MTHFD1: variants seen among roughly 807,000 people sequenced by gnomAD.
MTHFD1 encodes methylenetetrahydrofolate dehydrogenase, cyclohydrolase and formyltetrahydrofolate synthetase 1.
MTHFD1 carries 44 observed loss-of-function variants against 110.3 expected under a neutral mutation model. That is an observed-to-expected ratio of 0.40 (90% CI 0.31 to 0.51). MTHFD1 has a LOEUF of 0.51. MTHFD1 is among the 20% of genes least tolerant of loss of function. The pLI is 0.60. For synonymous variants in MTHFD1, 402 were observed against 428.8 expected, an observed-to-expected ratio of 0.94 and a Z score of 0.77; for missense variants, 909 against 1,173.1, an observed-to-expected ratio of 0.77 and a Z score of 3.29.
At chr14:64,410,469 T>C (rs2077974932) in intron 2 of MTHFD1, among the ~76,000 whole-genome samples, 1 of 151,886 alleles carries the variant, frequency 6.6e-6, no homozygotes, top group African/African-American at 2.4e-5. Context: ...CAAACGATCC[T>C]CCTCCCTTGG....
intron 22 of MTHFD1, among the ~76,000 whole-genome samples, chr14:64,447,070 C>T (rs2078295208): frequency 6.6e-6 from 1 of 151,776 alleles, no homozygotes; most frequent in Non-Finnish European, 1.5e-5. Context: ...TGTCGAACTC[C>T]TAGGTGCAAG....
At chr14:64,409,860 A>AT (rs2140951999) in intron 2 of MTHFD1, among the ~76,000 whole-genome samples, 1 of 152,272 alleles carries the variant, frequency 6.6e-6, no homozygotes, top group South Asian at 2.1e-4. Context: ...TAGCACCAAT[A>AT]TGACAAGCTC....
intron 1 of MTHFD1, among the ~76,000 whole-genome samples, chr14:64,397,174 TATATATATATATATATAAAA>T (rs1430421590): frequency 2.9e-4 from 6 of 20,792 alleles, no homozygotes; most frequent in African/African-American, 1.1e-3. Flanking sequence ...TATATATATA[TATATATATATATATATAAAA>T]AACAGTAATC....
At chr14:64,418,199 C>T (rs554724938) in intron 7 of MTHFD1, among the ~76,000 whole-genome samples, 175 bp downstream of exon 7, 1 of 152,206 alleles carries the variant, frequency 6.6e-6, no homozygotes, top group African/African-American at 2.4e-5. Flanking sequence ...GTAGTCCCAA[C>T]ACTTTGGGAG....
At chr14:64,446,750 G>A (rs927249301) in intron 22 of MTHFD1, among the ~76,000 whole-genome samples, 1 of 152,126 alleles carries the variant, frequency 6.6e-6, no homozygotes, top group African/African-American at 2.4e-5. Flanking sequence ...CACCGTGTTA[G>A]CCAGGATGGT....
intron 2 of MTHFD1, among the ~76,000 whole-genome samples, chr14:64,403,108 G>C (rs991499653): frequency 6.6e-6 from 1 of 151,582 alleles, no homozygotes; most frequent in African/African-American, 2.4e-5. Context: ...ACAGGCATGC[G>C]CCACCATGCC....
At chr14:64,435,252 C>T (rs1442905850) in intron 15 of MTHFD1, among the ~76,000 whole-genome samples, 2 of 152,032 alleles carry the variant, frequency 1.3e-5, no homozygotes, top group African/African-American at 2.4e-5. Flanking sequence ...CTGAGCTTCA[C>T]GCCTAGCTGA....
chr14:64,453,765 G>T lies in MTHFD1; in HGVS notation c.2469G>T (p.Glu823Asp). ...QLLYDLKLPVEDKIRIIAQKI... is the reference protein window; with the variant it reads ...QLLYDLKLPVDDKIRIIAQKI... Reference sequence around the variant, plus strand: ...TTCTTGTGCATTAGCTCCCAGTTGAGGATAAAATCAGGATCATTGCACAGA... The same window carrying T: ...TTCTTGTGCATTAGCTCCCAGTTGATGATAAAATCAGGATCATTGCACAGA... The change falls in exon 25 of 28, where the codon GAG (glutamate) becomes GAT (aspartate). Residue 823 changes from glutamate to aspartate, a missense_variant. By Grantham distance (45) the Glu-to-Asp change is conservative. This residue lies in a region of MTHFD1 where 482 missense variants were observed against 646.0 expected (regional missense o/e 0.75). Coordinates refer to ENST00000652337, the MANE Select transcript of MTHFD1 (RefSeq NM_005956.4). The T allele has an allele frequency of 6.2e-7, 1 of 1,605,588 alleles. No individual in the cohort carries two copies. The highest frequency in any genetic ancestry group is 8.5e-7 in the Non-Finnish European group (1 of 1,172,530).
At chr14:64,410,276 G>A (rs1336366311) in intron 2 of MTHFD1, among the ~76,000 whole-genome samples, 1 of 151,682 alleles carries the variant, frequency 6.6e-6, no homozygotes, top group Non-Finnish European at 1.5e-5. Context: ...CCCAGGCATA[G>A]TACCATGACT....
Position 64,449,398 on chromosome 14 carries a change from C to T in MTHFD1, c.2280-47C>T. ...AATGGCAAAAAGAAGACAATTCTGT[C>T]TCTCCAGCCATTTTCCATGCTTTGA... On this transcript the variant is annotated intron_variant, in intron 23 of 27. Transcript: ENST00000652337. The T allele has an allele frequency of 1.9e-6, 3 of 1,594,088 alleles. No individual in the cohort carries two copies. In the South Asian group the frequency reaches 3.3e-5, roughly 18 times the overall value.
chr14:64,432,472 T>C (rs1252511682), intron 15 of MTHFD1, among the ~76,000 whole-genome samples: 1 of 152,240 alleles, frequency 6.6e-6, no homozygotes, highest in Non-Finnish European at 1.5e-5. Context: ...TGGGAACTAA[T>C]CTAAATGTCT....
At position 64,459,924 on chromosome 14, in the gene MTHFD1, CATCATGTATAAATTAACATAAATCAT is replaced by C. The variant is rs2078534966; in HGVS notation, c.*171_*196del. ...AGAAGTCATTTTCAGCCTTAATTCT[CATCATGTATAAATTAACATAAATCAT>C]GCATGTCTGTTTACTTTAGTGACGT... On this transcript the variant is annotated 3_prime_UTR_variant, in exon 28 of 28. Transcript: ENST00000652337. 9 of 1,534,720 alleles carry C rather than the reference CATCATGTATAAATTAACATAAATCAT, an allele frequency of 5.9e-6. No individual in the cohort carries two copies. The highest frequency in any genetic ancestry group is 7.0e-6 in the Non-Finnish European group (8 of 1,145,760).
Position 64,404,331 on chromosome 14 carries a change from C to G in MTHFD1, c.126+3454C>G, listed in dbSNP as rs142041063. 7.2e-5 allele frequency among the ~76,000 whole-genome samples: 11 copies of G among 152,294 alleles called. No homozygotes were observed. In the East Asian group the frequency reaches 1.4e-3, roughly 19 times the overall value. ...ACCTAAACCATTTGAATGCCTTGGG[C>G]TCACCCTTGAGATCTCTTCCCCATC... On this transcript the variant is annotated intron_variant, in intron 2 of 27. Transcript: ENST00000652337.
At chr14:64,407,587 C>A (rs571601427) in intron 2 of MTHFD1, among the ~76,000 whole-genome samples, 2 of 143,094 alleles carry the variant, frequency 1.4e-5, no homozygotes, top group East Asian at 4.1e-4. Context: ...TTCTGTCATG[C>A]AGGCTGGAGT....
rs188845835 is a variant in MTHFD1, at chr14:64,393,647, T to C, written c.41+5179T>C. Among the ~76,000 whole-genome samples the C allele has an allele frequency of 9.9e-5, 15 of 152,242 alleles. No homozygotes were observed. In the East Asian group the frequency reaches 2.5e-3, roughly 26 times the overall value. ...CAACTACTATGGTCATGGCACCTGA[T>C]TGGGGATGTGGTTTGCAAATAAGTG... is the stretch of plus-strand genomic sequence containing the variant. On this transcript the variant is annotated intron_variant, in intron 1 of 27. Transcript: ENST00000652337.
Position 64,449,576 on chromosome 14 carries a change from G to A in MTHFD1, c.2411G>A (p.Arg804Lys). ...GALALAQAVQ[R>K]AAQAPSSFQL... ...TTAGCCCTGGCTCAGGCCGTCCAGA[G>A]AGCAGCACAAGCACCCAGCAGCTTC... The change falls in exon 24 of 28, where the codon AGA becomes AAA. Residue 804 changes from arginine (R) to lysine (K), a missense_variant. Physicochemically the swap from Arg to Lys is conservative, Grantham distance 26. Coordinates refer to ENST00000652337, the MANE Select transcript of MTHFD1 (RefSeq NM_005956.4). 1 of 1,614,208 alleles carries A rather than the reference G, an allele frequency of 6.2e-7. No homozygotes were observed.
At chr14:64,421,063 C>G (rs182243385) in intron 8 of MTHFD1, among the ~76,000 whole-genome samples, 18 of 152,312 alleles carry the variant, frequency 1.2e-4, no homozygotes, top group African/African-American at 4.3e-4. Context: ...TCAACTTCAC[C>G]TTCACCTTCA....
chr14:64,411,761 T>C lies in MTHFD1; in HGVS notation c.186+612T>C, dbSNP rs371470286. On this transcript the variant is annotated intron_variant, in intron 3 of 27. Coordinates refer to ENST00000652337, the MANE Select transcript of MTHFD1 (RefSeq NM_005956.4). ...CTAAAAATACAAAAAATTAGCTGGGTGTGGTGGCGCATGCCTGTAATCCCA... is the reference window on the plus strand; with the variant it reads ...CTAAAAATACAAAAAATTAGCTGGGCGTGGTGGCGCATGCCTGTAATCCCA... Among the ~76,000 whole-genome samples the C allele has an allele frequency of 4.6e-5, 7 of 151,692 alleles. No homozygotes were observed. In the South Asian group the frequency reaches 6.2e-4, roughly 14 times the overall value.
At chr14:64,434,731 G>T (rs2078190125) in intron 15 of MTHFD1, among the ~76,000 whole-genome samples, 1 of 151,970 alleles carries the variant, frequency 6.6e-6, no homozygotes, top group African/African-American at 2.4e-5. Context: ...ATTCAGATAA[G>T]ATGCTCTTGA....
Sources: gnomAD v4.1 joint callset for allele counts (sites outside exome capture counted in the v4.1 genomes callset) on GRCh38, gnomAD v4.1.1 for gene constraint, gnomAD v4.1.1 regional missense constraint, MANE v1.5 for transcripts, NCBI Gene and HGNC (gene_info 2026-07-23, HGNC 2026-07-21) for gene names.